The following PDS5A variants were observed in gnomAD, a reference collection of about 807,000 sequenced individuals.
The protein encoded by PDS5A is PDS5 cohesin associated factor A, also known as sister chromatid cohesion protein PDS5 homolog A.
PDS5A carries 42 observed loss-of-function variants against 167.1 expected under a neutral mutation model. The ratio of observed to expected loss-of-function variants is 0.25; its 90% CI spans 0.20 to 0.33. PDS5A has a LOEUF of 0.33. Ranked by LOEUF, PDS5A falls within the 10% of genes least tolerant of loss-of-function variation. The pLI is 1.00. For synonymous variants in PDS5A, 553 were observed against 554.6 expected, an observed-to-expected ratio of 1.00 and a Z score of 0.04; for missense variants, 1,033 against 1,605.9, an observed-to-expected ratio of 0.64 and a Z score of 6.10.
chr4:39,825,369 G>T lies in PDS5A; in HGVS notation c.*116C>A. On this transcript the variant is annotated 3_prime_UTR_variant, in exon 33 of 33. Transcript: ENST00000303538. The stretch of plus-strand genomic sequence containing the variant: ...CTCTTTAGTTTTCAAGGCAGAGAGT[G>T]TGTGTTCTGAAGTGAGCTTCATTTT... 2.7e-6 allele frequency: 2 copies of T among 742,328 alleles called. No homozygotes were observed. The highest frequency in any genetic ancestry group is 4.5e-6 in the Non-Finnish European group (2 of 444,956). The allele number at this position is 742,328 out of a possible 1,614,324, so 46.0% of individuals were successfully genotyped here. A position where few individuals can be genotyped will look rare whatever the true frequency, so the allele number is the denominator to read the frequency against.
intron 2 of PDS5A, among the ~76,000 whole-genome samples, chr4:39,933,882 C>G (rs920265532): frequency 6.6e-6 from 1 of 152,158 alleles, no homozygotes; most frequent in Non-Finnish European, 1.5e-5. Flanking sequence ...ATCAGAGGCA[C>G]TTATTCAAGA....
chr4:39,940,960 A>G (rs1727170289), intron 2 of PDS5A, among the ~76,000 whole-genome samples: 1 of 152,232 alleles, frequency 6.6e-6, no homozygotes, highest in Admixed American at 6.5e-5. Flanking sequence ...ATGAGCCACT[A>G]TGCTCAGCCT....
chr4:39,923,379 T>C (rs1395653042), intron 5 of PDS5A, among the ~76,000 whole-genome samples: 1 of 150,508 alleles, frequency 6.6e-6, no homozygotes, highest in Non-Finnish European at 1.5e-5. Flanking sequence ...AAAAGACCTT[T>C]TAAAATAAAT....
chr4:39,954,752 CTA>C (rs1412276994), intron 2 of PDS5A, among the ~76,000 whole-genome samples: 2 of 143,142 alleles, frequency 1.4e-5, no homozygotes, highest in African/African-American at 5.2e-5. Flanking sequence ...GTTAAAATAA[CTA>C]TGAGGCCAGG....
intron 17 of PDS5A, among the ~76,000 whole-genome samples, chr4:39,885,321 T>C (rs941917162): frequency 7.0e-6 from 1 of 142,964 alleles, no homozygotes; most frequent in African/African-American, 2.6e-5. Flanking sequence ...GAAAAAAAAC[T>C]TCGGCATGGT....
chr4:39,900,511 T>C lies in PDS5A; in HGVS notation c.1500-4A>G, dbSNP rs1351090147. The stretch of plus-strand genomic sequence containing the variant: ...CTTCCACATTTCGTTGAGAGCTCTG[T>C]AAAGTTATGAATATGAAAACACACA... On this transcript the variant is annotated splice_polypyrimidine_tract_variant and splice_region_variant and intron_variant, in intron 13 of 32. Transcript: ENST00000303538. The C allele has an allele frequency of 6.4e-7, 1 of 1,553,462 alleles. No homozygotes were observed. The highest frequency in any genetic ancestry group is 1.3e-5 in the African/African-American group (1 of 74,074).
intron 2 of PDS5A, among the ~76,000 whole-genome samples, chr4:39,972,149 A>G (rs1411676014): frequency 6.6e-6 from 1 of 152,164 alleles, no homozygotes; most frequent in East Asian, 1.9e-4. Context: ...AGTTAACAGT[A>G]CTTCTGATAA....
chr4:39,906,461 T>G (rs965509312), intron 11 of PDS5A, among the ~76,000 whole-genome samples: 3 of 151,936 alleles, frequency 2.0e-5, no homozygotes, highest in African/African-American at 7.3e-5. Context: ...GGCAGAAGAT[T>G]CTTTGGGACT....
intron 29 of PDS5A, among the ~76,000 whole-genome samples, chr4:39,845,568 A>T (rs972728514): frequency 5.3e-5 from 8 of 152,204 alleles, no homozygotes; most frequent in Non-Finnish European, 1.2e-4. Flanking sequence ...TTCCCAGGAA[A>T]GTCTTCTTTG....
At chr4:39,955,026 A>G (rs1300051903) in intron 2 of PDS5A, among the ~76,000 whole-genome samples, 1 of 152,122 alleles carries the variant, frequency 6.6e-6, no homozygotes, top group Non-Finnish European at 1.5e-5. Flanking sequence ...CCTGGGTGAC[A>G]GAGCGAGACC....
chr4:39,920,545 C>G (rs967271745), intron 6 of PDS5A, 146 bp from the exon 7 acceptor site: 48 of 445,960 alleles, frequency 1.1e-4, no homozygotes, highest in African/African-American at 9.4e-4. Context: ...TAACTGAGTT[C>G]TCTTCAAGGT....
At chr4:39,877,639 TC>T (rs1256809375) in intron 18 of PDS5A, among the ~76,000 whole-genome samples, 2 of 151,994 alleles carry the variant, frequency 1.3e-5, no homozygotes, top group African/African-American at 4.8e-5. Flanking sequence ...TTTTTTTTTT[TC>T]TTTTTTTGAG....
intron 11 of PDS5A, 45 bp from the exon 12 acceptor site, chr4:39,904,236 T>C (rs1370385817): frequency 7.1e-7 from 1 of 1,413,968 alleles, no homozygotes; most frequent in Non-Finnish European, 9.7e-7. Flanking sequence ...AACAAAACTC[T>C]GTACTAATCT....
chr4:39,905,706 TA>T (rs2109665746), intron 11 of PDS5A, among the ~76,000 whole-genome samples: 1 of 151,612 alleles, frequency 6.6e-6, no homozygotes, highest in East Asian at 1.9e-4. Flanking sequence ...ATACAGGCAG[TA>T]AAAGACACTT....
chr4:39,874,035 CTT>C (rs796823769), intron 20 of PDS5A, among the ~76,000 whole-genome samples: 84 of 152,188 alleles, frequency 5.5e-4, no homozygotes, highest in African/African-American at 1.9e-3. Context: ...GAAAGTGAAA[CTT>C]TATCTCAAAA....
intron 2 of PDS5A, among the ~76,000 whole-genome samples, chr4:39,959,289 G>A (rs1224296283): frequency 3.9e-5 from 6 of 152,138 alleles, no homozygotes; most frequent in Non-Finnish European, 7.4e-5. Context: ...AGTGTTAAAT[G>A]TTTATCTCTT....
intron 17 of PDS5A, among the ~76,000 whole-genome samples, chr4:39,883,646 CT>C (rs1178627105): frequency 6.6e-6 from 1 of 151,846 alleles, no homozygotes; most frequent in East Asian, 1.9e-4. Context: ...TTGTTTTTGT[CT>C]TTTTTTGAGA....
In PDS5A at chr4:39,891,603, G is replaced by A. The variant is rs530522782; in HGVS notation, c.1771-1239C>T. Among the ~76,000 whole-genome samples, 338 of 152,070 alleles carry A rather than the reference G, an allele frequency of 2.2e-3. 1 individual carries two copies. Among genetic ancestry groups the A allele is most frequent in the African/African-American group, 7.9e-3 (327 of 41,538 alleles). ...GCGGAGGCTGCGGTGAGCTGAGATC[G>A]TGCCATTGCACTCCAGCCTGGGGAA... is the stretch of plus-strand genomic sequence containing the variant. On this transcript the variant is annotated intron_variant, in intron 16 of 32. Transcript: ENST00000303538.
At chr4:39,925,143 A>G (rs1725342678) in intron 5 of PDS5A, among the ~76,000 whole-genome samples, 1 of 152,026 alleles carries the variant, frequency 6.6e-6, no homozygotes, top group African/African-American at 2.4e-5. Flanking sequence ...CCCACACAGA[A>G]TAAAACAATA....
Sources: allele counts gnomAD v4.1 joint callset (sites outside exome capture counted in the v4.1 genomes callset), GRCh38; gene constraint gnomAD v4.1.1; transcripts MANE v1.5; gene names NCBI Gene and HGNC (gene_info 2026-07-23, HGNC 2026-07-21).